Variants in RAB5A observed in about 807,000 individuals in gnomAD.
RAB5A encodes the protein RAB5A, member RAS oncogene family.
Under a neutral mutation model 25.7 loss-of-function variants are expected in RAB5A, and 8 were observed. The ratio of observed to expected loss-of-function variants is 0.31; its 90% CI spans 0.18 to 0.56. RAB5A has a LOEUF of 0.56. Ranked by LOEUF, RAB5A falls within the 20% of genes least tolerant of loss-of-function variation. The probability of loss-of-function intolerance (pLI) is 0.91; values close to 1 mark genes in which losing one functional copy is unlikely to be tolerated. For missense variants in RAB5A, 192 were observed against 259.7 expected, an observed-to-expected ratio of 0.74 and a Z score of 1.79; for synonymous variants, 98 against 89.8, an observed-to-expected ratio of 1.09 and a Z score of -0.52.
chr3:19,970,385 T>C (rs1010907999), intron 2 of RAB5A, among the ~76,000 whole-genome samples: 8 of 152,166 alleles, frequency 5.3e-5, no homozygotes, highest in African/African-American at 1.9e-4. Context: ...CCAGGGTCTG[T>C]GGTAAAGTAA....
intron 2 of RAB5A, among the ~76,000 whole-genome samples, chr3:19,969,440 G>T (rs1176034491): frequency 6.6e-6 from 1 of 152,108 alleles, no homozygotes; most frequent in Admixed American, 6.5e-5. Context: ...CTGTTCTTTT[G>T]TGAATTGTCT....
chr3:19,979,681 G>A (rs1306269530), intron 5 of RAB5A, among the ~76,000 whole-genome samples: 4 of 152,060 alleles, frequency 2.6e-5, no homozygotes, highest in Non-Finnish European at 5.9e-5. Context: ...AAAAATAAAG[G>A]TTGGTTTTGT....
At chr3:19,971,213 A>G (rs181189809) in intron 2 of RAB5A, among the ~76,000 whole-genome samples, 3 of 146,260 alleles carry the variant, frequency 2.1e-5, no homozygotes, top group African/African-American at 7.6e-5. Flanking sequence ...AAAAAAAAAA[A>G]AACACTATAG....
intron 2 of RAB5A, among the ~76,000 whole-genome samples, chr3:19,953,482 A>G (rs957148518): frequency 3.4e-5 from 5 of 145,460 alleles, no homozygotes; most frequent in Non-Finnish European, 7.4e-5. Context: ...GCCCTGGCTC[A>G]CTGCAACCTC....
intron 2 of RAB5A, among the ~76,000 whole-genome samples, chr3:19,960,392 T>G (rs13324769): frequency 0.12 from 18,603 of 152,210 alleles, 1,218 homozygotes; most frequent in Middle Eastern, 0.21. Flanking sequence ...CCTCAACTTC[T>G]GGGCTCCAGC....
chr3:19,973,009 CACTT>C (rs1415731634), intron 2 of RAB5A, among the ~76,000 whole-genome samples: 2 of 152,166 alleles, frequency 1.3e-5, no homozygotes, highest in Non-Finnish European at 2.9e-5. Context: ...ATTTGCCACA[CACTT>C]AATACTATGT....
At chr3:19,972,862 A>G (rs546413829) in intron 2 of RAB5A, among the ~76,000 whole-genome samples, 1 of 152,238 alleles carries the variant, frequency 6.6e-6, no homozygotes, top group South Asian at 2.1e-4. Flanking sequence ...GAATTGGATC[A>G]TATTTTCTTT....
chr3:19,969,270 C>G (rs995584637), intron 2 of RAB5A, among the ~76,000 whole-genome samples: 1 of 151,922 alleles, frequency 6.6e-6, no homozygotes, highest in African/African-American at 2.4e-5. Flanking sequence ...TCTTGAACTC[C>G]TGAACTCAAG....
chr3:19,976,157 A>G lies in RAB5A; in HGVS notation c.426A>G (p.Ala142=), dbSNP rs1255916820. The change falls in exon 4 of 6, where the codon GCA becomes GCG. Residue 142 remains alanine, a synonymous_variant. Coordinates refer to ENST00000273047, the MANE Select transcript of RAB5A (RefSeq NM_004162.5). ...AGGCCGACCTAGCAAATAAAAGAGCAGTAGATTTCCAGGTATGTTAAATTT... is the reference window on the plus strand; with the variant it reads ...AGGCCGACCTAGCAAATAAAAGAGCGGTAGATTTCCAGGTATGTTAAATTT... ...GNKADLANKR[A]VDFQEAQSYA... The G allele has an allele frequency of 1.2e-6, 2 of 1,607,756 alleles. No individual in the cohort carries two copies. Among genetic ancestry groups the G allele is most frequent in the East Asian group, 2.2e-5 (1 of 44,634 alleles).
intron 2 of RAB5A, among the ~76,000 whole-genome samples, chr3:19,957,876 C>T (rs1189802786): frequency 6.6e-6 from 1 of 152,032 alleles, no homozygotes; most frequent in Non-Finnish European, 1.5e-5. Flanking sequence ...TATTTTTCAA[C>T]AATACCTTAA....
intron 2 of RAB5A, among the ~76,000 whole-genome samples, chr3:19,959,768 A>G (rs192459016): frequency 1.3e-3 from 192 of 151,944 alleles, no homozygotes; most frequent in African/African-American, 4.2e-3. Context: ...CTGGGACTAC[A>G]GGTGTGCACC....
Position 19,984,260 on chromosome 3 carries a change from C to T in RAB5A, c.*437C>T. 4.7e-6 allele frequency: 2 copies of T among 429,552 alleles called. 1 individual carries two copies. The highest frequency in any genetic ancestry group is 3.3e-5 in the South Asian group (2 of 60,006). 26.6% of individuals were successfully genotyped at this position (429,552 alleles called of 1,614,324 possible). On this transcript the variant is annotated 3_prime_UTR_variant, in exon 6 of 6. Transcript: ENST00000273047. ...TTCTAAAGTTATTTATGATGCTTAGCCATAGTATTCAGGCAAATGTTCATT... is the reference window on the plus strand; with the variant it reads ...TTCTAAAGTTATTTATGATGCTTAGTCATAGTATTCAGGCAAATGTTCATT...
intron 2 of RAB5A, among the ~76,000 whole-genome samples, chr3:19,959,321 A>G (rs367717758): frequency 7.9e-5 from 12 of 152,318 alleles, no homozygotes; most frequent in African/African-American, 2.9e-4. Context: ...ATAGTTTGAG[A>G]GACAGATTGA....
chr3:19,954,357 A>G (rs960526440), intron 2 of RAB5A, among the ~76,000 whole-genome samples: 1 of 152,160 alleles, frequency 6.6e-6, no homozygotes, highest in African/African-American at 2.4e-5. Flanking sequence ...ATCTCCTAAC[A>G]TGAGTTATTG....
chr3:19,975,943 T>C, intron 3 of RAB5A, 104 bp from the exon 4 acceptor site: 5 of 1,443,462 alleles, frequency 3.5e-6, no homozygotes, highest in Non-Finnish European at 4.7e-6. Context: ...TAATAATTTC[T>C]TTCCCACAGT....
intron 5 of RAB5A, among the ~76,000 whole-genome samples, chr3:19,979,606 G>T (rs981794125): frequency 5.7e-4 from 87 of 152,118 alleles, no homozygotes; most frequent in African/African-American, 2.1e-3. Flanking sequence ...TTAACTGATG[G>T]TAATTGCTGT....
intron 1 of RAB5A, among the ~76,000 whole-genome samples, chr3:19,949,400 A>G (rs1259519781): frequency 1.3e-5 from 2 of 152,162 alleles, no homozygotes; most frequent in African/African-American, 2.4e-5. Context: ...TGTTTTTAAT[A>G]TAGAGACAGG....
chr3:19,969,965 G>A (rs529810752), intron 2 of RAB5A, among the ~76,000 whole-genome samples: 59 of 151,258 alleles, frequency 3.9e-4, no homozygotes, highest in Non-Finnish European at 7.1e-4. Context: ...CACCATGCCC[G>A]GCTAATTTGT....
intron 5 of RAB5A, chr3:19,978,859 GGAA>G (rs1334134990): frequency 2.6e-5 from 4 of 152,368 alleles, no homozygotes; most frequent in African/African-American, 9.7e-5. Context: ...AACATTATAA[GGAA>G]GATGATTTCA....
Sources: allele counts gnomAD v4.1 joint callset (sites outside exome capture counted in the v4.1 genomes callset), GRCh38; gene constraint gnomAD v4.1.1; transcripts MANE v1.5; gene names NCBI Gene and HGNC (gene_info 2026-07-23, HGNC 2026-07-21).